Variants in FAT1 observed in about 807,000 individuals in gnomAD.
The protein encoded by FAT1 is FAT atypical cadherin 1.
FAT1 carries 171 observed loss-of-function variants against 329.8 expected under a neutral mutation model. That is an observed-to-expected ratio of 0.52 (90% CI 0.46 to 0.59). The LOEUF is 0.59. FAT1 is among the 20% of genes least tolerant of loss of function. The pLI is 0.00. For synonymous variants in FAT1, 2,233 were observed against 2,228.6 expected, an observed-to-expected ratio of 1.00 and a Z score of -0.06; for missense variants, 5,672 against 5,774.4, an observed-to-expected ratio of 0.98 and a Z score of 0.57.
chr4:186,592,006 G>C (rs1441408575), intron 26 of FAT1, among the ~76,000 whole-genome samples: 2 of 152,164 alleles, frequency 1.3e-5, no homozygotes, highest in African/African-American at 4.8e-5. Context: ...CAGACCTGTT[G>C]GATCAGAAAT....
chr4:186,596,517 TG>T lies in FAT1; in HGVS notation c.13000+22del, dbSNP rs1401725578. On this transcript the variant is annotated intron_variant, in intron 25 of 26. Transcript: ENST00000441802. This position sits in a 1 kb window ranked among gnomAD's most constrained non-coding sequence, Gnocchi z 4.7. ...CTGTTTATCTCAAGTGACACTTTAG[TG>T]AGATGAAAAAGTGGCTCTTACTGTC... 1 of 1,597,256 alleles carries T rather than the reference TG, an allele frequency of 6.3e-7. No homozygotes were observed.
intron 3 of FAT1, among the ~76,000 whole-genome samples, chr4:186,641,891 C>T (rs1579373720): frequency 6.6e-6 from 1 of 151,990 alleles, no homozygotes; most frequent in Non-Finnish European, 1.5e-5. Context: ...CCTGTAATCC[C>T]AGCTACTCAG....
chr4:186,643,973 T>C (rs1007648696), intron 3 of FAT1, among the ~76,000 whole-genome samples: 19 of 152,186 alleles, frequency 1.2e-4, no homozygotes, highest in African/African-American at 4.6e-4. Flanking sequence ...CCCAGAAAGA[T>C]ATATACTTAA....
rs10561120 is a variant in FAT1 at position 186,682,526 on chromosome 4, C to CAAAAAAAA, written c.3266-18921_3266-18914dup. Among the ~76,000 whole-genome samples the CAAAAAAAA allele has an allele frequency of 0.012, 1,391 of 119,098 alleles. 53 individuals carry two copies. In the East Asian group the frequency reaches 0.12, roughly 10 times the overall value. 78.1% of individuals were successfully genotyped at this position (119,098 alleles called of 152,430 possible). ...TGAGTGAAAGAGCGAGACTCTGTCT[C>CAAAAAAAA]AAAAAAAAAAAAAAAAAAGAAAGTT... On this transcript the variant is annotated intron_variant, in intron 2 of 26. Transcript: ENST00000441802.
In FAT1 at chr4:186,636,469, G is replaced by A. The variant is rs191277387; in HGVS notation, c.3972+116C>T. 9,186 of 1,143,064 alleles carry A rather than the reference G, an allele frequency of 8.0e-3. 543 individuals carry two copies. The African/African-American group carries it at 0.13, about 16-fold the overall frequency. 70.8% of individuals were successfully genotyped at this position (1,143,064 alleles called of 1,614,324 possible). On this transcript the variant is annotated intron_variant, in intron 5 of 26. Coordinates refer to ENST00000441802, the MANE Select transcript of FAT1 (RefSeq NM_005245.4). ...CCGGCATTGCCTAATGGGGCCAGCA[G>A]GTCACAAACACTTCAGCCGTTTACA... is the stretch of plus-strand genomic sequence containing the variant.
chr4:186,692,786 T>C (rs561220229), intron 2 of FAT1, among the ~76,000 whole-genome samples: 1 of 152,178 alleles, frequency 6.6e-6, no homozygotes, highest in African/African-American at 2.4e-5. Context: ...CAGCAATAAA[T>C]CAATGAGATA....
Position 186,709,273 on chromosome 4 carries a change from G to T in FAT1, c.555C>A (p.Tyr185Ter), listed in dbSNP as rs2126702901. 2 of 1,613,984 alleles carry T rather than the reference G, an allele frequency of 1.2e-6. No homozygotes were observed. Among genetic ancestry groups the T allele is most frequent in the Non-Finnish European group, 8.5e-7 (1 of 1,179,890 alleles). ...TATCTGTTCGATCTTTAAAACTGTA[G>T]TAAAATTCCCCGTTGGTTCCTATGT... ...DADIGTNGEFYYSFKDRTDMF... is the reference protein window; with the variant it reads ...DADIGTNGEF Residue 185 changes from tyrosine (Y) to a stop codon, truncating the protein, a stop_gained, in exon 2 of 27, where the codon TAC becomes TAA. Transcript: ENST00000441802. LOFTEE classifies it high-confidence loss of function.
intron 15 of FAT1, among the ~76,000 whole-genome samples, chr4:186,609,583 A>G (rs1282972931): frequency 6.6e-6 from 1 of 151,202 alleles, no homozygotes; most frequent in Non-Finnish European, 1.5e-5. Context: ...CGCCTGGCTA[A>G]TTTTTTTTTG....
At chr4:186,722,536 A>G (rs1346738273) in intron 1 of FAT1, among the ~76,000 whole-genome samples, 1 of 152,254 alleles carries the variant, frequency 6.6e-6, no homozygotes, top group Non-Finnish European at 1.5e-5. Flanking sequence ...TCCTAAGACA[A>G]AAAGACAAAG....
chr4:186,682,526 CA>C (rs10561120), intron 2 of FAT1, among the ~76,000 whole-genome samples: 10,699 of 119,252 alleles, frequency 0.09, 468 homozygotes, highest in Middle Eastern at 0.12. Context: ...GACTCTGTCT[CA>C]AAAAAAAAAA....
chr4:186,611,765 C>T lies in FAT1; in HGVS notation c.9474G>A (p.Arg3158=), dbSNP rs764280265. The change falls in exon 14 of 27, where the codon CGG becomes CGA. Residue 3158 remains arginine (R), a synonymous_variant. Coordinates refer to ENST00000441802, the MANE Select transcript of FAT1 (RefSeq NM_005245.4). ...AGTCAATCAGTGAGTATAAAATCTTCCGATTTAATCCTATGAAGACATAAA... is the reference window on the plus strand; with the variant it reads ...AGTCAATCAGTGAGTATAAAATCTTTCGATTTAATCCTATGAAGACATAAA... ...QATDADAGLN[R]KILYSLIDSA... The T allele has an allele frequency of 6.4e-7, 1 of 1,563,040 alleles. No homozygotes were observed. Among genetic ancestry groups the T allele is most frequent in the Non-Finnish European group, 8.7e-7 (1 of 1,153,910 alleles).
At chr4:186,593,779 T>G (rs1226875586) in intron 26 of FAT1, among the ~76,000 whole-genome samples, 2 of 152,136 alleles carry the variant, frequency 1.3e-5, no homozygotes, top group Non-Finnish European at 2.9e-5. Flanking sequence ...ATCGCATGAC[T>G]TAAGCCCTGT....
At chr4:186,601,000 C>G (rs2126417470) in intron 21 of FAT1, among the ~76,000 whole-genome samples, 1 of 152,326 alleles carries the variant, frequency 6.6e-6, no homozygotes, top group East Asian at 1.9e-4. Flanking sequence ...GCGTGAGCCA[C>G]CACACCCAGC....
At chr4:186,647,504 T>C (rs1741435521) in intron 3 of FAT1, among the ~76,000 whole-genome samples, 1 of 152,344 alleles carries the variant, frequency 6.6e-6, no homozygotes, top group East Asian at 1.9e-4. Flanking sequence ...ATATGTATAA[T>C]GATTATACAA....
intron 3 of FAT1, among the ~76,000 whole-genome samples, chr4:186,653,024 G>A (rs1579392984): frequency 1.3e-5 from 2 of 152,240 alleles, no homozygotes; most frequent in Non-Finnish European, 2.9e-5. Flanking sequence ...ATGTAAAGAA[G>A]CGAATAAAAA....
At chr4:186,643,324 T>C (rs1266512470) in intron 3 of FAT1, among the ~76,000 whole-genome samples, 1 of 152,194 alleles carries the variant, frequency 6.6e-6, no homozygotes, top group Admixed American at 6.5e-5. Context: ...GGTTTACTTT[T>C]CTGCGGAGAA....
At chr4:186,645,618 G>A (rs1162417255) in intron 3 of FAT1, among the ~76,000 whole-genome samples, 1 of 151,140 alleles carries the variant, frequency 6.6e-6, no homozygotes, top group African/African-American at 2.4e-5. Context: ...AGAAACCAGG[G>A]AGGGACTGAA....
chr4:186,593,279 G>C (rs1249734999), intron 26 of FAT1, among the ~76,000 whole-genome samples: 1 of 152,190 alleles, frequency 6.6e-6, no homozygotes, highest in Non-Finnish European at 1.5e-5. Context: ...TGGACTAATC[G>C]CTGGTGAGCT....
intron 22 of FAT1, 96 bp downstream of exon 22, chr4:186,599,801 GA>G: frequency 1.1e-6 from 1 of 951,462 alleles, no homozygotes; most frequent in Non-Finnish European, 1.6e-6. Flanking sequence ...AAAATTATCT[GA>G]ATCAAAAGAG....
Sources: allele counts gnomAD v4.1 joint callset (sites outside exome capture counted in the v4.1 genomes callset), GRCh38; gene constraint gnomAD v4.1.1; non-coding constraint Gnocchi (gnomAD v3.1); transcripts MANE v1.5; gene names NCBI Gene and HGNC (gene_info 2026-07-23, HGNC 2026-07-21).